Variants in GPC3 observed in about 807,000 individuals in gnomAD.
The protein encoded by GPC3 is glypican-3.
Under a neutral mutation model 34.4 loss-of-function variants are expected in GPC3, and 3 were observed. The observed-to-expected ratio is 0.09, with a 90% CI of 0.04 to 0.23. GPC3 has a LOEUF of 0.23. Ranked by LOEUF, GPC3 falls within the 10% of genes least tolerant of loss-of-function variation. The probability of loss-of-function intolerance (pLI) is 1.00; values close to 1 mark genes in which losing one functional copy is unlikely to be tolerated. For missense variants in GPC3, 351 were observed against 445.6 expected (o/e 0.79, Z 1.91); for synonymous variants, 177 against 174.0 (o/e 1.02, Z -0.13).
intron 3 of GPC3, among the ~76,000 whole-genome samples, chrX:133,734,775 C>A (rs1466840951): frequency 1.8e-5 from 2 of 111,007 alleles, no homozygotes; most frequent in Non-Finnish European, 3.8e-5. Flanking sequence ...AACTAATAAA[C>A]AAGTTCAGTA....
intron 3 of GPC3, among the ~76,000 whole-genome samples, chrX:133,721,782 C>T (rs989996479): frequency 4.5e-5 from 5 of 111,653 alleles, no homozygotes; most frequent in Non-Finnish European, 9.4e-5. Context: ...CCCTACTTCA[C>T]ACCATATACC....
chrX:133,816,526 G>A (rs188225461), intron 2 of GPC3, among the ~76,000 whole-genome samples: 30 of 111,840 alleles, frequency 2.7e-4, no homozygotes, highest in African/African-American at 9.7e-4. Context: ...CTTTTTACAA[G>A]CCAAAGATTG....
intron 2 of GPC3, among the ~76,000 whole-genome samples, chrX:133,763,949 T>C (rs1024471320): frequency 8.9e-6 from 1 of 111,756 alleles, no homozygotes; most frequent in Non-Finnish European, 1.9e-5. Context: ...TAAATCATTC[T>C]ACCAAAAAGA....
chrX:133,810,797 C>T (rs1461135190), intron 2 of GPC3, among the ~76,000 whole-genome samples: 2 of 92,706 alleles, frequency 2.2e-5, no homozygotes, highest in African/African-American at 8.0e-5. Context: ...CCCAGCTACT[C>T]GGGTGGCTGA....
chrX:133,953,518 C>T (rs5975435), intron 1 of GPC3, among the ~76,000 whole-genome samples: 1,687 of 111,297 alleles, frequency 0.015, 30 homozygotes, highest in African/African-American at 0.052. Flanking sequence ...CACTGAACAC[C>T]GATATTTAGT....
intron 2 of GPC3, among the ~76,000 whole-genome samples, chrX:133,819,442 T>C (rs1460757714): frequency 8.2e-5 from 9 of 109,849 alleles, no homozygotes; most frequent in Non-Finnish European, 1.7e-4. Flanking sequence ...ATGCAAAGTA[T>C]AGACAAACTA....
intron 3 of GPC3, among the ~76,000 whole-genome samples, chrX:133,728,686 C>CAA (rs2071436011): frequency 8.9e-6 from 1 of 112,352 alleles, no homozygotes; most frequent in Admixed American, 9.4e-5. Context: ...GGCTATGAAT[C>CAA]CAATTTGAGA....
intron 1 of GPC3, among the ~76,000 whole-genome samples, chrX:133,972,762 C>G (rs1396537566): frequency 7.1e-5 from 8 of 111,954 alleles, no homozygotes; most frequent in African/African-American, 2.6e-4. Flanking sequence ...AAGACAATTT[C>G]AAGGTTTCGA....
At chrX:133,613,913 T>TA (rs1261336915) in intron 6 of GPC3, among the ~76,000 whole-genome samples, 1 of 112,056 alleles carries the variant, frequency 8.9e-6, no homozygotes, top group Non-Finnish European at 1.9e-5. Flanking sequence ...CTAACAGAGA[T>TA]AAAAATTATA....
At chrX:133,676,366 G>A (rs1384065341) in intron 5 of GPC3, among the ~76,000 whole-genome samples, 1 of 112,516 alleles carries the variant, frequency 8.9e-6, no homozygotes, top group Non-Finnish European at 1.9e-5. Context: ...GCCATGGTGG[G>A]CATGGGCAGA....
chrX:133,669,112 A>T (rs73632098), intron 5 of GPC3, among the ~76,000 whole-genome samples: 69 of 111,824 alleles, frequency 6.2e-4, no homozygotes, highest in Admixed American at 1.7e-3. Flanking sequence ...TTTAATAGCC[A>T]TACTTTGGGA....
At chrX:133,792,087 C>T (rs1028170269) in intron 2 of GPC3, among the ~76,000 whole-genome samples, 3 of 109,616 alleles carry the variant, frequency 2.7e-5, no homozygotes, top group Non-Finnish European at 5.7e-5. Context: ...TCATGTTGGC[C>T]AGGCTGGTCT....
intron 1 of GPC3, among the ~76,000 whole-genome samples, chrX:133,980,305 A>T (rs1431393077): frequency 8.9e-6 from 1 of 112,358 alleles, no homozygotes; most frequent in Non-Finnish European, 1.9e-5. Context: ...GTTTGTCTAC[A>T]TGCCCCAATA....
intron 7 of GPC3, among the ~76,000 whole-genome samples, chrX:133,593,189 G>A (rs752286064): frequency 2.0e-3 from 216 of 107,551 alleles, no homozygotes; most frequent in African/African-American, 6.7e-3. Context: ...TTAGCTGGGC[G>A]TGGTTGTGTG....
At chrX:133,825,376 GA>G (rs1470871989) in intron 2 of GPC3, among the ~76,000 whole-genome samples, 1 of 112,050 alleles carries the variant, frequency 8.9e-6, no homozygotes, top group Non-Finnish European at 1.9e-5. Context: ...GAGCAGAATG[GA>G]AGTGGAGCTC....
chrX:133,593,354 T>TAAAAAAAAAAAAAAA (rs1186766438), intron 7 of GPC3, among the ~76,000 whole-genome samples: 6 of 47,686 alleles, frequency 1.3e-4, no homozygotes, highest in African/African-American at 1.7e-4. Flanking sequence ...AAAAAAAAAG[T>TAAAAAAAAAAAAAAA]AAAAAAAAAA....
chrX:133,832,918 C>T (rs1248525615), intron 2 of GPC3, among the ~76,000 whole-genome samples: 1 of 112,272 alleles, frequency 8.9e-6, no homozygotes, highest in African/African-American at 3.2e-5. Flanking sequence ...AACTCACACA[C>T]TCCAAAGTGC....
At chrX:133,810,016 C>T (rs1188773802) in intron 2 of GPC3, among the ~76,000 whole-genome samples, 1 of 112,017 alleles carries the variant, frequency 8.9e-6, no homozygotes, top group Non-Finnish European at 1.9e-5. Flanking sequence ...AGACAGTGAG[C>T]ATTATATTTA....
intron 3 of GPC3, among the ~76,000 whole-genome samples, chrX:133,743,111 G>A (rs547389439): frequency 3.5e-4 from 39 of 112,594 alleles, no homozygotes; most frequent in East Asian, 8.4e-4. Flanking sequence ...ACAGTCCCCC[G>A]GACAAGGAAG....
Sources: allele counts gnomAD v4.1 joint callset (sites outside exome capture counted in the v4.1 genomes callset), GRCh38; gene constraint gnomAD v4.1.1; transcripts MANE v1.5; gene names NCBI Gene and HGNC (gene_info 2026-07-23, HGNC 2026-07-21).